The following FBXL7 variants were observed in gnomAD, a reference collection of about 807,000 sequenced individuals.
FBXL7 encodes F-box/LRR-repeat protein 7.
A neutral mutation model predicts 38.3 loss-of-function variants in FBXL7; 12 were observed. The ratio of observed to expected loss-of-function variants is 0.31; its 90% CI spans 0.20 to 0.51. The LOEUF (loss-of-function observed/expected upper bound fraction) is 0.51. Among genes scored for constraint, FBXL7 ranks in the 20% least tolerant of loss-of-function variants. FBXL7 has a pLI of 0.98. For missense variants in FBXL7, 567 were observed against 676.4 expected (o/e 0.84, Z 1.79); for synonymous variants, 297 against 300.9 (o/e 0.99, Z 0.13).
At chr5:15,756,186 T>C (rs1736292476) in intron 2 of FBXL7, among the ~76,000 whole-genome samples, 1 of 152,208 alleles carries the variant, frequency 6.6e-6, no homozygotes, top group Non-Finnish European at 1.5e-5. Context: ...GACTTTTTTT[T>C]CACTAAGTCT....
intron 2 of FBXL7, among the ~76,000 whole-genome samples, chr5:15,628,727 T>C (rs1740900555): frequency 6.6e-6 from 1 of 152,210 alleles, no homozygotes; most frequent in Non-Finnish European, 1.5e-5. Context: ...GTATATTAAC[T>C]GCTCTCTTTT....
intron 2 of FBXL7, among the ~76,000 whole-genome samples, chr5:15,634,061 G>A (rs1055065147): frequency 2.6e-5 from 4 of 151,916 alleles, no homozygotes; most frequent in Admixed American, 6.6e-5. Flanking sequence ...GATTACAGGC[G>A]TGAGCCACCA....
intron 2 of FBXL7, among the ~76,000 whole-genome samples, chr5:15,922,203 A>T (rs1741761596): frequency 6.6e-6 from 1 of 151,892 alleles, no homozygotes; most frequent in South Asian, 2.1e-4. Flanking sequence ...ATTAAAAAGG[A>T]GGCGGTCCTG....
In FBXL7 at chr5:15,616,141, A is replaced by G. The variant is rs994256823; in HGVS notation, c.127+69A>G. On this transcript the variant is annotated intron_variant, in intron 2 of 3. Coordinates refer to ENST00000504595, the MANE Select transcript of FBXL7 (RefSeq NM_012304.5). The stretch of plus-strand genomic sequence containing the variant: ...CTGGCTATTTTTGGAACAGAAATAA[A>G]GTGTGGGAGTGTTAGTTCTATTCTC... 8 of 1,077,812 alleles carry G rather than the reference A, an allele frequency of 7.4e-6. No individual in the cohort carries two copies. The Admixed American group carries it at 1.5e-4, about 20-fold the overall frequency. The allele number at this position is 1,077,812 out of a possible 1,614,324, so 66.8% of individuals were successfully genotyped here.
intron 1 of FBXL7, among the ~76,000 whole-genome samples, chr5:15,559,391 G>A (rs577272067): frequency 1.8e-4 from 27 of 152,312 alleles, no homozygotes. Flanking sequence ...ATTTATGGAT[G>A]TGCACATGTA....
In FBXL7 at chr5:15,928,216, C is replaced by T. The variant is rs774713699; in HGVS notation, c.454C>T (p.Arg152Trp). The part of the protein sequence containing the change: ...RRWYNLAWDP[R>W]LWRTIRLTGE... The stretch of plus-strand genomic sequence containing the variant: ...CTGGTACAACCTGGCCTGGGACCCG[C>T]GGCTCTGGAGGACTATCCGCCTGAC... The change falls in exon 3 of 4, where the codon CGG becomes TGG. Residue 152 changes from arginine to tryptophan, a missense_variant. Physicochemically the swap from Arg to Trp is moderately radical, Grantham distance 101. Transcript: ENST00000504595. The surrounding 1 kb of genome is among the most constrained non-coding windows in gnomAD (Gnocchi z 4.0). 1.9e-5 allele frequency: 31 copies of T among 1,610,030 alleles called. No homozygotes were observed. Among genetic ancestry groups the T allele is most frequent in the African/African-American group, 2.7e-5 (2 of 74,852 alleles).
At chr5:15,914,763 C>T (rs1269477747) in intron 2 of FBXL7, among the ~76,000 whole-genome samples, 7 of 152,132 alleles carry the variant, frequency 4.6e-5, no homozygotes, top group Admixed American at 2.0e-4. Flanking sequence ...TAGGACCGAG[C>T]GAGCACATTC....
At chr5:15,542,659 A>G (rs1451947292) in intron 1 of FBXL7, among the ~76,000 whole-genome samples, 1 of 152,210 alleles carries the variant, frequency 6.6e-6, no homozygotes, top group Non-Finnish European at 1.5e-5. Flanking sequence ...TAAATCACAA[A>G]TGACCTTTTG....
Position 15,555,719 on chromosome 5 carries a change from TTAAGA to T in FBXL7, c.37+55012_37+55016del, listed in dbSNP as rs557638478. 4.2e-3 allele frequency among the ~76,000 whole-genome samples: 643 copies of T among 152,190 alleles called. 2 individuals carry two copies. Among genetic ancestry groups the T allele is most frequent in the Non-Finnish European group, 5.2e-3 (356 of 68,022 alleles). On this transcript the variant is annotated intron_variant, in intron 1 of 3. Coordinates refer to ENST00000504595, the MANE Select transcript of FBXL7 (RefSeq NM_012304.5). ...TCCTCTGGTTAGGTCTGTCACAGTC[TTAAGA>T]TAAGAGCTATCTTCTGGTACCTGAC...
intron 2 of FBXL7, among the ~76,000 whole-genome samples, chr5:15,847,131 C>T (rs1738929793): frequency 6.6e-6 from 1 of 152,042 alleles, no homozygotes; most frequent in Non-Finnish European, 1.5e-5. Context: ...GCAGAATTCC[C>T]AGATGGTCCC....
chr5:15,883,495 G>T (rs893511951), intron 2 of FBXL7, among the ~76,000 whole-genome samples: 1 of 151,994 alleles, frequency 6.6e-6, no homozygotes, highest in African/African-American at 2.4e-5. Flanking sequence ...CAATTTTTTC[G>T]TGTTGTAAGA....
rs577341348 is a variant in FBXL7 at position 15,850,649 on chromosome 5, C to T, written c.128-77241C>T. ...GCAAGTGTGTTCCAGCATTGTATCC[C>T]ATTCGGTTCTTGCAGGGCAGCGCCC... On this transcript the variant is annotated intron_variant, in intron 2 of 3. Transcript: ENST00000504595. 9.2e-5 allele frequency among the ~76,000 whole-genome samples: 14 copies of T among 152,274 alleles called. 1 individual carries two copies. Among genetic ancestry groups the T allele is most frequent in the African/African-American group, 3.4e-4 (14 of 41,546 alleles).
intron 2 of FBXL7, among the ~76,000 whole-genome samples, chr5:15,772,297 T>A (rs1415669870): frequency 1.3e-5 from 2 of 152,216 alleles, no homozygotes; most frequent in African/African-American, 4.8e-5. Context: ...GCATCCCTCA[T>A]GTTCCTGGAA....
chr5:15,580,948 C>A, intron 1 of FBXL7: 1 of 348,234 alleles, frequency 2.9e-6, no homozygotes. Flanking sequence ...AGGCCTCTCT[C>A]TAGATCCAGG....
At chr5:15,850,654 G>A (rs1014800440) in intron 2 of FBXL7, among the ~76,000 whole-genome samples, 3 of 152,124 alleles carry the variant, frequency 2.0e-5, no homozygotes, top group Admixed American at 6.5e-5. Context: ...TATCCCATTC[G>A]GTTCTTGCAG....
chr5:15,763,886 A>G (rs1736517943), intron 2 of FBXL7, among the ~76,000 whole-genome samples: 1 of 152,232 alleles, frequency 6.6e-6, no homozygotes, highest in African/African-American at 2.4e-5. Flanking sequence ...GCTATCTGCA[A>G]GCTGCAGAGC....
At chr5:15,657,571 C>T (rs1389380442) in intron 2 of FBXL7, among the ~76,000 whole-genome samples, 1 of 152,150 alleles carries the variant, frequency 6.6e-6, no homozygotes, top group East Asian at 1.9e-4. Context: ...CAGTGGCTCA[C>T]TCCTGTAATC....
intron 2 of FBXL7, among the ~76,000 whole-genome samples, chr5:15,842,000 A>C (rs1047222218): frequency 6.6e-6 from 1 of 152,266 alleles, no homozygotes; most frequent in African/African-American, 2.4e-5. Flanking sequence ...TGGAGACCCA[A>C]CACCACATCC....
chr5:15,666,757 T>A (rs529517017), intron 2 of FBXL7, among the ~76,000 whole-genome samples: 1 of 152,318 alleles, frequency 6.6e-6, no homozygotes, highest in African/African-American at 2.4e-5. Flanking sequence ...CTTTATTCAC[T>A]TTTGGATTTG....
Sources: allele counts gnomAD v4.1 joint callset (sites outside exome capture counted in the v4.1 genomes callset), GRCh38; gene constraint gnomAD v4.1.1; non-coding constraint Gnocchi (gnomAD v3.1); transcripts MANE v1.5; gene names NCBI Gene and HGNC (gene_info 2026-07-23, HGNC 2026-07-21).